Variants in RGP1 observed in about 807,000 individuals in gnomAD.
The protein encoded by RGP1 is RGP1 partner of RAB6A GEF complex, also known as RAB6A-GEF complex partner protein 2.
A neutral mutation model predicts 44.5 loss-of-function variants in RGP1; 28 were observed. The observed-to-expected ratio is 0.63, with a 90% CI of 0.47 to 0.86. The LOEUF (loss-of-function observed/expected upper bound fraction) is 0.86, where lower values mean the gene tolerates loss of function less well. Ranked by LOEUF, RGP1 falls within the 40% of genes least tolerant of loss-of-function variation. The pLI is 0.00. For missense variants in RGP1, 417 were observed against 490.7 expected (o/e 0.85, Z 1.42); for synonymous variants, 212 against 196.7 (o/e 1.08, Z -0.65).
At chr9:35,777,093 A>G in the RGP1 span, among the ~76,000 whole-genome samples, 2 of 148,492 alleles carry the variant, frequency 1.3e-5, no homozygotes, top group Non-Finnish European at 3.0e-5. Context: ...TTTTTATGAC[A>G]TTATACATGA....
At position 35,753,453 on chromosome 9, in the gene RGP1, G is replaced by T. The variant is rs1827306170; in HGVS notation, c.*579G>T. 1.2e-6 allele frequency: 1 copy of T among 803,298 alleles called. No individual in the cohort carries two copies. The highest frequency in any genetic ancestry group is 1.8e-5 in the South Asian group (1 of 54,076). 49.8% of individuals were successfully genotyped at this position (803,298 alleles called of 1,614,324 possible). On this transcript the variant is annotated 3_prime_UTR_variant, in exon 9 of 9. Coordinates refer to ENST00000378078, the MANE Select transcript of RGP1 (RefSeq NM_001080496.3). This position sits in a 1 kb window ranked among gnomAD's most constrained non-coding sequence, Gnocchi z 4.2. ...TGTGGGCCTTTTTGTTTTATAACAG[G>T]AGTATTTTCTCTCCAGGTCCACCCC...
chr9:35,781,015 G>A, the RGP1 span, among the ~76,000 whole-genome samples: 6 of 152,204 alleles, frequency 3.9e-5, no homozygotes, highest in Admixed American at 2.6e-4. Flanking sequence ...GATTAAGGAC[G>A]ATAAAATTCC....
downstream of RGP1, among the ~76,000 whole-genome samples, chr9:35,759,719 T>G (rs1235105625): frequency 1.3e-5 from 2 of 150,502 alleles, no homozygotes; most frequent in African/African-American, 4.9e-5. Flanking sequence ...TGATTAGGAG[T>G]AGAGGGTTGT....
chr9:35,759,871 G>A (rs1352586524), downstream of RGP1, among the ~76,000 whole-genome samples: 1 of 149,594 alleles, frequency 6.7e-6, no homozygotes, highest in Non-Finnish European at 1.5e-5. Flanking sequence ...ATCTACACTT[G>A]ATGAATCCTA....
At position 35,749,671 on chromosome 9, in the gene RGP1, A is replaced by C. The variant is rs1827195486; in HGVS notation, c.-19-66A>C. Reference sequence around the variant, plus strand: ...ACCCCTGTCCTCAGCCCTCAGCCCTAGGTGCTCACCGCAACGCCCCTCCCT... The same window carrying C: ...ACCCCTGTCCTCAGCCCTCAGCCCTCGGTGCTCACCGCAACGCCCCTCCCT... On this transcript the variant is annotated intron_variant, in intron 1 of 8. Coordinates refer to ENST00000378078, the MANE Select transcript of RGP1 (RefSeq NM_001080496.3). This position sits in a 1 kb window ranked among gnomAD's most constrained non-coding sequence, Gnocchi z 4.4. 7 of 929,382 alleles carry C rather than the reference A, an allele frequency of 7.5e-6. No homozygotes were observed. Among genetic ancestry groups the C allele is most frequent in the Non-Finnish European group, 1.2e-5 (7 of 575,738 alleles). 57.6% of individuals were successfully genotyped at this position (929,382 alleles called of 1,614,324 possible).
the RGP1 span, among the ~76,000 whole-genome samples, chr9:35,769,389 C>T: frequency 7.3e-5 from 11 of 150,352 alleles, no homozygotes; most frequent in East Asian, 9.6e-4. Context: ...TTTTCTCATT[C>T]GCTCATTCTT....
Position 35,751,318 on chromosome 9 carries a change from A to T in RGP1, c.540A>T (p.Pro180=). The change falls in exon 6 of 9, where the codon CCA becomes CCT. Residue 180 remains proline (P), a synonymous_variant. Coordinates refer to ENST00000378078, the MANE Select transcript of RGP1 (RefSeq NM_001080496.3). The part of the protein sequence containing the change: ...PQDEAVAPSS[P]FLEEDEGGKK... Reference sequence around the variant, plus strand: ...ATGAGGCTGTAGCCCCATCCAGTCCATTCTTGGAGGAGGATGAAGGTGGGA... The same window carrying T: ...ATGAGGCTGTAGCCCCATCCAGTCCTTTCTTGGAGGAGGATGAAGGTGGGA... 1.2e-6 allele frequency: 2 copies of T among 1,613,912 alleles called. No individual in the cohort carries two copies. The highest frequency in any genetic ancestry group is 1.1e-5 in the South Asian group (1 of 91,078).
the RGP1 span, among the ~76,000 whole-genome samples, chr9:35,767,283 G>GTTTTTTT: frequency 1.8e-5 from 2 of 108,432 alleles, no homozygotes; most frequent in Admixed American, 1.0e-4. Flanking sequence ...AAGCAAATTG[G>GTTTTTTT]TTTTTTTTTT....
At chr9:35,784,346 G>T in the RGP1 span, among the ~76,000 whole-genome samples, 3 of 152,062 alleles carry the variant, frequency 2.0e-5, no homozygotes, top group African/African-American at 7.2e-5. Context: ...GTCATGAAGG[G>T]TTTTTCCTGA....
the RGP1 span, among the ~76,000 whole-genome samples, chr9:35,779,341 A>T: frequency 6.6e-6 from 1 of 151,002 alleles, no homozygotes. Context: ...TAAGCAAGGG[A>T]GTATGAAAGA....
chr9:35,788,185 T>C, the RGP1 span, among the ~76,000 whole-genome samples: 1 of 152,210 alleles, frequency 6.6e-6, no homozygotes, highest in Admixed American at 6.5e-5. Context: ...TAGGATTTCT[T>C]TTGAAGAAGG....
chr9:35,782,079 C>T, the RGP1 span, among the ~76,000 whole-genome samples: 2 of 147,960 alleles, frequency 1.4e-5, no homozygotes, highest in East Asian at 2.0e-4. Flanking sequence ...CTCCCCCTCC[C>T]GGGTTCCAGG....
the RGP1 span, among the ~76,000 whole-genome samples, chr9:35,764,646 C>A: frequency 1.3e-5 from 2 of 152,170 alleles, no homozygotes; most frequent in Non-Finnish European, 2.9e-5. Context: ...CCCACCACTG[C>A]CCCCAAATTT....
At chr9:35,773,970 G>A in the RGP1 span, among the ~76,000 whole-genome samples, 9 of 151,936 alleles carry the variant, frequency 5.9e-5, no homozygotes, top group African/African-American at 9.7e-5. Flanking sequence ...CACCTGGCCC[G>A]TATTATTATT....
the RGP1 span, among the ~76,000 whole-genome samples, chr9:35,771,340 G>T: frequency 6.6e-6 from 1 of 152,094 alleles, no homozygotes; most frequent in South Asian, 2.1e-4. Context: ...AGGTGTTAGT[G>T]GTTCTGAGCC....
chr9:35,760,670 C>T (rs1379860243), downstream of RGP1, among the ~76,000 whole-genome samples: 4 of 152,178 alleles, frequency 2.6e-5, no homozygotes, highest in East Asian at 1.9e-4. Flanking sequence ...GAATCAGAAA[C>T]GCTGAAGGTA....
chr9:35,760,369 C>T (rs192567368), downstream of RGP1, among the ~76,000 whole-genome samples: 7 of 152,166 alleles, frequency 4.6e-5, no homozygotes, highest in East Asian at 1.2e-3. Context: ...TCCTGTGCAT[C>T]GTAGGATGCT....
the RGP1 span, among the ~76,000 whole-genome samples, chr9:35,768,203 A>T: frequency 6.6e-6 from 1 of 151,410 alleles, no homozygotes. Flanking sequence ...CTGGGACCAC[A>T]AGCATGTGCC....
At chr9:35,761,613 G>A (rs775768057), downstream of RGP1, among the ~76,000 whole-genome samples, 1 of 152,144 alleles carries the variant, frequency 6.6e-6, no homozygotes, top group Non-Finnish European at 1.5e-5. Flanking sequence ...GGTCGATGCT[G>A]CAGTGAGCCA....
Sources: gnomAD v4.1 joint callset for allele counts (sites outside exome capture counted in the v4.1 genomes callset) on GRCh38, gnomAD v4.1.1 for gene constraint, Gnocchi (gnomAD v3.1) non-coding constraint, MANE v1.5 for transcripts, NCBI Gene and HGNC (gene_info 2026-07-23, HGNC 2026-07-21) for gene names.